Variants in RBM26 observed in about 807,000 individuals in gnomAD.
RBM26 encodes RNA binding motif protein 26, also known as RNA-binding protein 26.
A neutral mutation model predicts 123.6 loss-of-function variants in RBM26; 30 were observed. The ratio of observed to expected loss-of-function variants is 0.24; its 90% confidence interval spans 0.18 to 0.33. The LOEUF (loss-of-function observed/expected upper bound fraction) is 0.33, where lower values mean the gene tolerates loss of function less well. Among genes scored for constraint, RBM26 ranks in the 10% least tolerant of loss-of-function variants. RBM26 has a pLI of 1.00. For missense variants in RBM26, 947 were observed against 1,203.6 expected (o/e 0.79, Z 3.15); for synonymous variants, 400 against 404.4 (o/e 0.99, Z 0.13).
chr13:79,360,503 A>G (rs2074548345), intron 9 of RBM26, among the ~76,000 whole-genome samples: 1 of 152,086 alleles, frequency 6.6e-6, no homozygotes, highest in Admixed American at 6.5e-5. Context: ...ATATATATAT[A>G]TATCAATGCA....
intron 9 of RBM26, among the ~76,000 whole-genome samples, chr13:79,361,382 C>T (rs1178173082): frequency 2.0e-5 from 3 of 152,090 alleles, no homozygotes; most frequent in South Asian, 2.1e-4. Flanking sequence ...AAGAAACTCT[C>T]GTAAAACCAG....
Position 79,369,182 on chromosome 13 carries a change from C to A in RBM26, c.635-192G>T, listed in dbSNP as rs377418493. ...GTAAGCGATTTCTTTTTAATATAAC[C>A]CAAACTACAAAACCAGGTAATGCTG... On this transcript the variant is annotated intron_variant, in intron 5 of 21. Transcript: ENST00000438737. 6.6e-5 allele frequency among the ~76,000 whole-genome samples: 10 copies of A among 151,882 alleles called. No individual in the cohort carries two copies. In the South Asian group the frequency reaches 1.0e-3, roughly 16 times the overall value.
intron 3 of RBM26, among the ~76,000 whole-genome samples, chr13:79,375,879 T>A (rs183331954): frequency 1.3e-5 from 2 of 152,020 alleles, no homozygotes; most frequent in East Asian, 3.9e-4. Flanking sequence ...AACATCAACA[T>A]CTCTTACAAT....
At chr13:79,387,122 C>T (rs568195323) in intron 1 of RBM26, among the ~76,000 whole-genome samples, 19 of 152,126 alleles carry the variant, frequency 1.2e-4, no homozygotes, top group South Asian at 4.1e-4. Flanking sequence ...GACACTTTTC[C>T]GGTCATGAAT....
At chr13:79,404,961 C>G (rs1225205242) in intron 1 of RBM26, among the ~76,000 whole-genome samples, 1 of 152,144 alleles carries the variant, frequency 6.6e-6, no homozygotes, top group Non-Finnish European at 1.5e-5. Flanking sequence ...GTAAATCAAC[C>G]AATTCTGATT....
chr13:79,344,445 A>G (rs2071949257), intron 15 of RBM26, 123 bp from the exon 16 acceptor site: 1 of 874,230 alleles, frequency 1.1e-6, no homozygotes, highest in African/African-American at 1.7e-5. Flanking sequence ...AGGCTTTTCT[A>G]TGTAAAACTT....
chr13:79,342,445 C>T (rs2071562487), intron 17 of RBM26, among the ~76,000 whole-genome samples: 1 of 151,796 alleles, frequency 6.6e-6, no homozygotes, highest in Non-Finnish European at 1.5e-5. Context: ...TTACCCATGA[C>T]TATTTTTCTA....
At chr13:79,318,812 T>C, downstream of RBM26, 1 of 983,660 alleles carries the variant, frequency 1.0e-6, no homozygotes, top group Non-Finnish European at 1.2e-6. Context: ...TTTACTTTCT[T>C]TGTAATACCT....
At chr13:79,321,835 T>C (rs1477653157) in intron 21 of RBM26, among the ~76,000 whole-genome samples, 1 of 151,376 alleles carries the variant, frequency 6.6e-6, no homozygotes, top group African/African-American at 2.4e-5. Flanking sequence ...AGTCTGCCTT[T>C]TATTGTAACT....
At chr13:79,336,888 C>T (rs1031501335) in intron 19 of RBM26, among the ~76,000 whole-genome samples, 2 of 152,226 alleles carry the variant, frequency 1.3e-5, no homozygotes, top group African/African-American at 4.8e-5. Flanking sequence ...TATTTCATGG[C>T]CTACTAAGTG....
intron 6 of RBM26, among the ~76,000 whole-genome samples, chr13:79,368,101 C>T (rs1265080718): frequency 6.6e-6 from 1 of 151,382 alleles, no homozygotes; most frequent in African/African-American, 2.4e-5. Flanking sequence ...TCTTGGCTTA[C>T]TGCAAGCTCC....
chr13:79,335,833 C>A (rs983094461), intron 19 of RBM26, among the ~76,000 whole-genome samples: 2 of 152,062 alleles, frequency 1.3e-5, no homozygotes, highest in African/African-American at 4.8e-5. Flanking sequence ...TAAAACTATA[C>A]ACAACATACA....
chr13:79,322,847 G>A lies in RBM26; in HGVS notation c.2821-385C>T, dbSNP rs371601843. 2.8e-4 allele frequency among the ~76,000 whole-genome samples: 43 copies of A among 151,478 alleles called. 1 individual carries two copies. In the South Asian group the frequency reaches 8.9e-3, roughly 31 times the overall value. On this transcript the variant is annotated intron_variant, in intron 20 of 21. Transcript: ENST00000438737. The stretch of plus-strand genomic sequence containing the variant: ...GGTACTTCAAGATCCTAGTTTTAAT[G>A]TCTGAATCAATGTCTAAATTAGGAT...
chr13:79,369,627 A>C (rs1442986820), intron 5 of RBM26, among the ~76,000 whole-genome samples: 1 of 152,194 alleles, frequency 6.6e-6, no homozygotes, highest in Non-Finnish European at 1.5e-5. Context: ...GAGTAGCAAA[A>C]AAAGTTTGAG....
chr13:79,380,835 A>C (rs539674190), intron 1 of RBM26, among the ~76,000 whole-genome samples: 47 of 152,140 alleles, frequency 3.1e-4, no homozygotes, highest in Non-Finnish European at 5.1e-4. Context: ...TATGAGACCA[A>C]CTTATTTAGC....
chr13:79,385,826 C>T (rs547369458), intron 1 of RBM26, among the ~76,000 whole-genome samples: 1 of 152,136 alleles, frequency 6.6e-6, no homozygotes, highest in East Asian at 1.9e-4. Context: ...AATCATATCA[C>T]CAGGACTCTC....
At chr13:79,328,451 A>G (rs1393351387) in intron 20 of RBM26, among the ~76,000 whole-genome samples, 3 of 151,850 alleles carry the variant, frequency 2.0e-5, no homozygotes, top group African/African-American at 7.2e-5. Context: ...TAAATTTTTA[A>G]AAAAATGAAT....
intron 20 of RBM26, among the ~76,000 whole-genome samples, chr13:79,324,446 G>T (rs1031872761): frequency 6.6e-6 from 1 of 151,934 alleles, no homozygotes; most frequent in East Asian, 1.9e-4. Flanking sequence ...TATTAGAAGT[G>T]AAATGTTTGA....
chr13:79,320,774 G>A, intron 21 of RBM26, 64 bp from the exon 22 acceptor site: 1 of 1,357,248 alleles, frequency 7.4e-7, no homozygotes, highest in South Asian at 1.5e-5. Context: ...AAAAAAAGGT[G>A]ACACTTTTAA....
Sources: gnomAD v4.1 joint callset for allele counts (sites outside exome capture counted in the v4.1 genomes callset) on GRCh38, gnomAD v4.1.1 for gene constraint, MANE v1.5 for transcripts, NCBI Gene and HGNC (gene_info 2026-07-23, HGNC 2026-07-21) for gene names.